The following FLRT2 variants were observed in gnomAD, a reference collection of about 807,000 sequenced individuals.
FLRT2 encodes fibronectin leucine rich transmembrane protein 2.
A neutral mutation model predicts 40.0 loss-of-function variants in FLRT2; 15 were observed. The ratio of observed to expected loss-of-function variants is 0.38; its 90% CI spans 0.25 to 0.58. The LOEUF is 0.58. FLRT2 is among the 20% of genes least tolerant of loss of function. The pLI, the probability that FLRT2 is intolerant of heterozygous loss-of-function variation, is 0.71. For missense variants in FLRT2, 726 were observed against 840.0 expected (o/e 0.86, Z 1.68); for synonymous variants, 380 against 336.8 (o/e 1.13, Z -1.41).
Position 85,643,354 on chromosome 14 carries a change from T to TTCCTTCCATC in FLRT2, c.*19857_*19858insTCCTTCCATC, listed in dbSNP as rs1491559808. On this transcript the variant is annotated 3_prime_UTR_variant, in exon 2 of 2. Transcript: ENST00000330753. Reference sequence around the variant, plus strand: ...TTCTTTCTTTCTTTCTTTCTTTCTTTCTTCCTTCCTTCCTTCCTTCCTTTC... The same window carrying TTCCTTCCATC: ...TTCTTTCTTTCTTTCTTTCTTTCTTTTCCTTCCATCCTTCCTTCCTTCCTTCCTTCCTTTC... 2.2e-5 allele frequency: 1 copy of TTCCTTCCATC among 46,042 alleles called. No homozygotes were observed. The highest frequency in any genetic ancestry group is 4.3e-5 in the Non-Finnish European group (1 of 23,068). 2.9% of individuals were successfully genotyped at this position (46,042 alleles called of 1,614,324 possible).
intron 1 of FLRT2, among the ~76,000 whole-genome samples, chr14:85,591,654 C>T (rs543324999): frequency 1.3e-5 from 2 of 152,198 alleles, no homozygotes; most frequent in Non-Finnish European, 2.9e-5. Flanking sequence ...ACAGGTGAAT[C>T]CTTAGGTGAC....
chr14:85,574,955 ATTGTTCAAG>A (rs1338027321), intron 1 of FLRT2, among the ~76,000 whole-genome samples: 2 of 152,218 alleles, frequency 1.3e-5, no homozygotes, highest in Non-Finnish European at 2.9e-5. Flanking sequence ...GGCATTGGCC[ATTGTTCAAG>A]AGCAAACCAG....
At chr14:85,561,498 G>A (rs1405327009) in intron 1 of FLRT2, among the ~76,000 whole-genome samples, 1 of 152,036 alleles carries the variant, frequency 6.6e-6, no homozygotes, top group Non-Finnish European at 1.5e-5. Flanking sequence ...CTGACTACTG[G>A]GGACCCTTGC....
chr14:85,532,081 C>G (rs1888319224), intron 1 of FLRT2, among the ~76,000 whole-genome samples: 1 of 152,256 alleles, frequency 6.6e-6, no homozygotes, highest in African/African-American at 2.4e-5. Context: ...GTCACTCAGG[C>G]TTTGAACTGA....
At chr14:85,561,284 C>T (rs1890300749) in intron 1 of FLRT2, 1 of 152,112 alleles carries the variant, frequency 6.6e-6, no homozygotes, top group African/African-American at 2.4e-5. Flanking sequence ...GAGAACCAGC[C>T]TGGGGGTAAG....
At chr14:85,600,057 C>G (rs913735424) in intron 1 of FLRT2, among the ~76,000 whole-genome samples, 1 of 152,116 alleles carries the variant, frequency 6.6e-6, no homozygotes, top group African/African-American at 2.4e-5. Context: ...AAGTGCAGTT[C>G]AGCTCATTTA....
At position 85,631,306 on chromosome 14, in the gene FLRT2, G is replaced by C. The variant is rs1893867386; in HGVS notation, c.*7809G>C. 6.6e-6 allele frequency: 1 copy of C among 151,630 alleles called. No individual in the cohort carries two copies. Among genetic ancestry groups the C allele is most frequent in the Non-Finnish European group, 1.5e-5 (1 of 67,964 alleles). The allele number at this position is 151,630 out of a possible 1,614,324, so 9.4% of individuals were successfully genotyped here. On this transcript the variant is annotated 3_prime_UTR_variant, in exon 2 of 2. Transcript: ENST00000330753. Reference sequence around the variant, plus strand: ...TTCCAAAGCCGCTGGAATCACACCTGCCAATTATCTGACCGCTTTGTGCGG... The same window carrying C: ...TTCCAAAGCCGCTGGAATCACACCTCCCAATTATCTGACCGCTTTGTGCGG...
At chr14:85,533,214 G>A (rs1888397204) in intron 1 of FLRT2, among the ~76,000 whole-genome samples, 1 of 152,148 alleles carries the variant, frequency 6.6e-6, no homozygotes, top group African/African-American at 2.4e-5. Context: ...CGCGAGGGAC[G>A]GAGGGAGAGG....
At chr14:85,619,942 C>T (rs530290365) in intron 1 of FLRT2, among the ~76,000 whole-genome samples, 8 of 152,286 alleles carry the variant, frequency 5.3e-5, no homozygotes, top group East Asian at 3.9e-4. Context: ...AAAGCACAGA[C>T]GGAAGGAAGG....
chr14:85,584,872 G>C (rs761504), intron 1 of FLRT2, among the ~76,000 whole-genome samples: 126,721 of 149,236 alleles, frequency 0.85, 53,982 homozygotes, highest in African/African-American at 0.94. Flanking sequence ...CTCTTGCTTA[G>C]TTTTCATTGC....
chr14:85,570,677 G>T (rs994657843), intron 1 of FLRT2, among the ~76,000 whole-genome samples: 1 of 151,634 alleles, frequency 6.6e-6, no homozygotes, highest in African/African-American at 2.4e-5. Flanking sequence ...TGCCTCCTGG[G>T]TTCATGCCAT....
rs1893807234 is a variant in FLRT2 at position 85,629,270 on chromosome 14, C to A, written c.*5773C>A. 6.6e-6 allele frequency: 1 copy of A among 152,130 alleles called. No individual in the cohort carries two copies. Among genetic ancestry groups the A allele is most frequent in the Admixed American group, 6.5e-5 (1 of 15,280 alleles). The allele number at this position is 152,130 out of a possible 1,614,324, so 9.4% of individuals were successfully genotyped here. A position where few individuals can be genotyped will look rare whatever the true frequency, so the allele number is the denominator to read the frequency against. ...GATGCAACTGTCATAATTAGATGTT[C>A]TTGGTTTTTAATAGATGCAGCAATG... On this transcript the variant is annotated 3_prime_UTR_variant, in exon 2 of 2. Coordinates refer to ENST00000330753, the MANE Select transcript of FLRT2 (RefSeq NM_013231.6).
chr14:85,547,313 TTTTC>T, intron 1 of FLRT2, among the ~76,000 whole-genome samples: 1 of 125,632 alleles, frequency 8.0e-6, no homozygotes, highest in East Asian at 2.4e-4. Flanking sequence ...TTTGTCTTTC[TTTTC>T]TTTCTTTCTT....
At position 85,623,079 on chromosome 14, in the gene FLRT2, G is replaced by T; in HGVS notation, c.1565G>T (p.Gly522Val). The change falls in exon 2 of 2, where the codon GGC (glycine) becomes GTC (valine). Residue 522 changes from glycine (G) to valine (V), a missense_variant. Gly to Val is a moderately radical substitution (Grantham distance 109). Around this residue, in one of 3 missense-constraint regions of FLRT2, gnomAD observed 611 missense variants for 690.0 expected, o/e 0.89. Transcript: ENST00000330753. The part of the protein sequence containing the change: ...ATTHASYLNN[G>V]SNTASSHEQT... ...ACCCATGCCTCCTATCTGAACAACG[G>T]CAGCAACACAGCGTCCAGCCATGAG... The T allele has an allele frequency of 6.2e-7, 1 of 1,614,098 alleles. No individual in the cohort carries two copies. Among genetic ancestry groups the T allele is most frequent in the East Asian group, 2.2e-5 (1 of 44,858 alleles).
chr14:85,583,861 G>A (rs1264884162), intron 1 of FLRT2, among the ~76,000 whole-genome samples: 1 of 151,900 alleles, frequency 6.6e-6, no homozygotes, highest in African/African-American at 2.4e-5. Flanking sequence ...ATGCAAAGGT[G>A]CGCCTGTAAT....
chr14:85,550,962 T>G (rs1950177), intron 1 of FLRT2, among the ~76,000 whole-genome samples: 145,722 of 152,256 alleles, frequency 0.96, 69,776 homozygotes, highest in Middle Eastern at 0.99. Flanking sequence ...GAGCTGGCTT[T>G]TCATTACCCT....
At position 85,649,250 on chromosome 14, in the gene FLRT2, T is replaced by G. The variant is rs1894377928; in HGVS notation, c.*25753T>G. Reference sequence around the variant, plus strand: ...TATTTATTCCGGTTAACAATTTTACTTGAGTAGAAATCACTTGACTCAAAT... The same window carrying G: ...TATTTATTCCGGTTAACAATTTTACGTGAGTAGAAATCACTTGACTCAAAT... On this transcript the variant is annotated 3_prime_UTR_variant, in exon 2 of 2. Transcript: ENST00000330753. 6.6e-6 allele frequency: 1 copy of G among 152,108 alleles called. No individual in the cohort carries two copies. Among genetic ancestry groups the G allele is most frequent in the African/African-American group, 2.4e-5 (1 of 41,436 alleles). The allele number at this position is 152,108 out of a possible 1,614,324, so 9.4% of individuals were successfully genotyped here.
Position 85,641,360 on chromosome 14 carries a change from A to G in FLRT2, c.*17863A>G, listed in dbSNP as rs1309945350. 6.6e-6 allele frequency: 1 copy of G among 152,214 alleles called. No individual in the cohort carries two copies. Among genetic ancestry groups the G allele is most frequent in the Admixed American group, 6.5e-5 (1 of 15,280 alleles). The allele number at this position is 152,214 out of a possible 1,614,324, so 9.4% of individuals were successfully genotyped here. ...AAATTAGGTTCTACCAATTACAGGCACGTGTGCAGGATTTTCAAGGTAGAA... is the reference window on the plus strand; with the variant it reads ...AAATTAGGTTCTACCAATTACAGGCGCGTGTGCAGGATTTTCAAGGTAGAA... On this transcript the variant is annotated 3_prime_UTR_variant, in exon 2 of 2. Transcript: ENST00000330753.
At chr14:85,607,711 G>A (rs966782151) in intron 1 of FLRT2, among the ~76,000 whole-genome samples, 3 of 152,184 alleles carry the variant, frequency 2.0e-5, no homozygotes, top group African/African-American at 4.8e-5. Context: ...ACCTTGTGTT[G>A]TAATTAGTTG....
Sources: allele counts gnomAD v4.1 joint callset (sites outside exome capture counted in the v4.1 genomes callset), GRCh38; gene constraint gnomAD v4.1.1; regional missense constraint gnomAD v4.1.1; transcripts MANE v1.5; gene names NCBI Gene and HGNC (gene_info 2026-07-23, HGNC 2026-07-21).